The following GPHN variants were observed in gnomAD, a reference collection of about 807,000 sequenced individuals.
GPHN encodes the protein gephyrin.
Under a neutral mutation model 95.5 loss-of-function variants are expected in GPHN, and 17 were observed. The ratio of observed to expected loss-of-function variants is 0.18; its 90% confidence interval spans 0.12 to 0.27. The LOEUF (loss-of-function observed/expected upper bound fraction) is 0.27. Ranked by LOEUF, GPHN falls within the 10% of genes least tolerant of loss-of-function variation. GPHN has a pLI of 1.00. For synonymous variants in GPHN, 320 were observed against 322.5 expected, an observed-to-expected ratio of 0.99 and a Z score of 0.08; for missense variants, 660 against 978.1, an observed-to-expected ratio of 0.67 and a Z score of 4.34.
chr14:66,700,152 T>A (rs1227700185), intron 2 of GPHN, among the ~76,000 whole-genome samples: 1 of 152,156 alleles, frequency 6.6e-6, no homozygotes, highest in Non-Finnish European at 1.5e-5. Context: ...GTTTTCTATT[T>A]CTGTAGAGGA....
At chr14:66,630,609 C>CT (rs1482111469) in intron 1 of GPHN, among the ~76,000 whole-genome samples, 1 of 151,852 alleles carries the variant, frequency 6.6e-6, no homozygotes, top group Non-Finnish European at 1.5e-5. Flanking sequence ...GTAGCTGGGA[C>CT]TACAGGTGCC....
the GPHN span, among the ~76,000 whole-genome samples, chr14:67,460,464 G>T: frequency 2.0e-5 from 3 of 152,114 alleles, no homozygotes; most frequent in Admixed American, 1.3e-4. Flanking sequence ...CAGCACTTTG[G>T]GAGACCGAGG....
intron 9 of GPHN, among the ~76,000 whole-genome samples, chr14:66,968,278 G>A (rs888480763): frequency 1.3e-5 from 2 of 152,006 alleles, no homozygotes; most frequent in South Asian, 4.2e-4. Flanking sequence ...AAGTCTTGAG[G>A]GTAAAAGAAA....
chr14:66,673,464 TA>T (rs1379151992), intron 1 of GPHN, among the ~76,000 whole-genome samples: 1 of 152,222 alleles, frequency 6.6e-6, no homozygotes, highest in Non-Finnish European at 1.5e-5. Context: ...AATAACACTA[TA>T]TTCACAAGCA....
chr14:67,372,136 A>T, the GPHN span, among the ~76,000 whole-genome samples: 1 of 152,198 alleles, frequency 6.6e-6, no homozygotes, highest in Non-Finnish European at 1.5e-5. Context: ...TAAAAAAAAA[A>T]TTAAAAAATT....
At chr14:67,103,506 T>C (rs1464858188) in intron 13 of GPHN, among the ~76,000 whole-genome samples, 1 of 145,748 alleles carries the variant, frequency 6.9e-6, no homozygotes, top group Non-Finnish European at 1.5e-5. Flanking sequence ...ATGCTGTTTC[T>C]TTCTCTTTTT....
the GPHN span, among the ~76,000 whole-genome samples, chr14:67,389,002 G>C: frequency 8.6e-5 from 13 of 151,652 alleles, no homozygotes; most frequent in Non-Finnish European, 1.8e-4. Flanking sequence ...CTGCAAAGTT[G>C]ATAGATTCCT....
chr14:67,227,616 T>C, the GPHN span: 475 of 152,206 alleles, frequency 3.1e-3, 2 homozygotes, highest in African/African-American at 0.011. Context: ...ACTGAAGTAA[T>C]GTGAAAGTTA....
chr14:67,160,198 T>C (rs1408738446), intron 19 of GPHN, among the ~76,000 whole-genome samples: 1 of 152,186 alleles, frequency 6.6e-6, no homozygotes, highest in African/African-American at 2.4e-5. Context: ...TGTTGTGCCA[T>C]TGACTTGCTA....
At chr14:66,523,307 A>C (rs1342932300) in intron 1 of GPHN, among the ~76,000 whole-genome samples, 3 of 152,106 alleles carry the variant, frequency 2.0e-5, no homozygotes, top group Non-Finnish European at 4.4e-5. Flanking sequence ...ACTTAAGTGT[A>C]ATGACAGATT....
chr14:66,658,204 A>T (rs768415769), intron 1 of GPHN, among the ~76,000 whole-genome samples: 6 of 152,184 alleles, frequency 3.9e-5, no homozygotes, highest in Admixed American at 6.5e-5. Context: ...GAGCCGGAAG[A>T]TGTGACTGAA....
chr14:67,393,999 C>T, the GPHN span, among the ~76,000 whole-genome samples: 2 of 152,142 alleles, frequency 1.3e-5, no homozygotes, highest in Non-Finnish European at 2.9e-5. Flanking sequence ...CTATTAAATG[C>T]CTCTTTGTGA....
intron 12 of GPHN, among the ~76,000 whole-genome samples, chr14:67,090,895 G>C (rs2077121434): frequency 6.6e-6 from 1 of 151,484 alleles, no homozygotes; most frequent in African/African-American, 2.4e-5. Flanking sequence ...GCAGGTTGTT[G>C]TAAGAATTAT....
At chr14:66,731,848 C>G (rs1184246980) in intron 2 of GPHN, among the ~76,000 whole-genome samples, 3 of 152,292 alleles carry the variant, frequency 2.0e-5, no homozygotes, top group South Asian at 2.1e-4. Context: ...CCCCTCTGCT[C>G]TGTGCAGCCT....
chr14:67,581,764 C>G, the GPHN span: 45 of 328,392 alleles, frequency 1.4e-4, no homozygotes, highest in South Asian at 1.5e-3. Flanking sequence ...GTCTCTTGGA[C>G]TCTTACCTCA....
At chr14:67,224,889 G>C in the GPHN span, 3 of 386,844 alleles carry the variant, frequency 7.8e-6, no homozygotes, top group African/African-American at 6.4e-5. Flanking sequence ...AAAGGAGGGA[G>C]CCCTCTAAAA....
At chr14:66,655,507 T>A (rs746059174) in intron 1 of GPHN, among the ~76,000 whole-genome samples, 1 of 152,138 alleles carries the variant, frequency 6.6e-6, no homozygotes, top group Non-Finnish European at 1.5e-5. Flanking sequence ...TCTAGGTTCC[T>A]TGGGATTTTC....
At chr14:67,439,565 C>CTTTCTT in the GPHN span, among the ~76,000 whole-genome samples, 29 of 124,474 alleles carry the variant, frequency 2.3e-4, no homozygotes, top group Non-Finnish European at 1.4e-4. Context: ...TTCTTTCTTT[C>CTTTCTT]TTTCTTTCTT....
At chr14:67,253,650 G>A in the GPHN span, among the ~76,000 whole-genome samples, 2 of 152,056 alleles carry the variant, frequency 1.3e-5, no homozygotes, top group African/African-American at 4.8e-5. Flanking sequence ...TTCCAGACCC[G>A]CCTAGACAAC....
Sources: gnomAD v4.1 joint callset for allele counts (sites outside exome capture counted in the v4.1 genomes callset) on GRCh38, gnomAD v4.1.1 for gene constraint, MANE v1.5 for transcripts, NCBI Gene and HGNC (gene_info 2026-07-23, HGNC 2026-07-21) for gene names.